Variants in PIP4K2A observed in about 807,000 individuals in gnomAD.
PIP4K2A encodes the protein phosphatidylinositol-5-phosphate 4-kinase type 2 alpha.
In PIP4K2A, 14 loss-of-function variants were observed where a neutral mutation model predicts 42.9. The observed-to-expected ratio is 0.33, with a 90% CI of 0.22 to 0.51. PIP4K2A has a LOEUF of 0.51. Among genes scored for constraint, PIP4K2A ranks in the 20% least tolerant of loss-of-function variants. PIP4K2A has a pLI of 0.97. For synonymous variants in PIP4K2A, 192 were observed against 192.2 expected (o/e 1.00, Z 0.01); for missense variants, 434 against 519.8 (o/e 0.83, Z 1.61).
At chr10:22,626,762 A>G (rs1048842539) in intron 1 of PIP4K2A, among the ~76,000 whole-genome samples, 2 of 152,228 alleles carry the variant, frequency 1.3e-5, no homozygotes, top group Admixed American at 6.5e-5. Flanking sequence ...TGAAAACAGG[A>G]TATTTTCATC....
At chr10:22,581,145 G>C (rs1006651343) in intron 4 of PIP4K2A, among the ~76,000 whole-genome samples, 2 of 7,898 alleles carry the variant, frequency 2.5e-4, no homozygotes, top group South Asian at 7.9e-3. Context: ...TCCTTGAGTA[G>C]GGCTTTTCTT....
intron 1 of PIP4K2A, among the ~76,000 whole-genome samples, chr10:22,685,909 T>C (rs1839755392): frequency 6.6e-6 from 1 of 152,206 alleles, no homozygotes; most frequent in Non-Finnish European, 1.5e-5. Context: ...ATTTTGTTGT[T>C]TGTAATTTAA....
chr10:22,668,348 T>C (rs1444472076), intron 1 of PIP4K2A, among the ~76,000 whole-genome samples: 1 of 152,156 alleles, frequency 6.6e-6, no homozygotes, highest in African/African-American at 2.4e-5. Context: ...TCACAGACTA[T>C]CACCAACTAA....
chr10:22,710,406 G>A (rs763747955), intron 1 of PIP4K2A, among the ~76,000 whole-genome samples: 3 of 152,262 alleles, frequency 2.0e-5, no homozygotes, highest in Non-Finnish European at 2.9e-5. Flanking sequence ...CCAAGGGACG[G>A]CCACAAATGA....
intron 1 of PIP4K2A, among the ~76,000 whole-genome samples, chr10:22,669,632 C>G (rs993029080): frequency 4.6e-5 from 7 of 152,250 alleles, no homozygotes; most frequent in African/African-American, 1.7e-4. Flanking sequence ...GGGTTTATTG[C>G]GGGCGTGCCC....
chr10:22,545,402 G>C (rs1402392674), intron 7 of PIP4K2A, among the ~76,000 whole-genome samples: 1 of 152,194 alleles, frequency 6.6e-6, no homozygotes, highest in Non-Finnish European at 1.5e-5. Flanking sequence ...GGGCAGAGAG[G>C]GAAGGGGACA....
At chr10:22,563,354 G>A (rs150237997) in intron 6 of PIP4K2A, among the ~76,000 whole-genome samples, 1 of 152,268 alleles carries the variant, frequency 6.6e-6, no homozygotes, top group Non-Finnish European at 1.5e-5. Context: ...TGCATTAAAC[G>A]TAAAAGTTTT....
At chr10:22,572,318 T>C (rs1324934325) in intron 5 of PIP4K2A, among the ~76,000 whole-genome samples, 3 of 152,154 alleles carry the variant, frequency 2.0e-5, no homozygotes, top group Non-Finnish European at 4.4e-5. Context: ...TAAAAATGTA[T>C]TTATAAAATT....
intron 3 of PIP4K2A, among the ~76,000 whole-genome samples, chr10:22,604,639 C>T (rs1197714681): frequency 1.3e-5 from 2 of 152,138 alleles, no homozygotes; most frequent in Non-Finnish European, 2.9e-5. Context: ...ATTCAAAAAG[C>T]AGCTCACATT....
chr10:22,650,957 C>T (rs1252092943), intron 1 of PIP4K2A, among the ~76,000 whole-genome samples: 19 of 152,144 alleles, frequency 1.2e-4, no homozygotes, highest in Admixed American at 1.2e-3. Context: ...CCTGGTTCAC[C>T]ACCGGACTTT....
chr10:22,629,707 T>C (rs1186962957), intron 1 of PIP4K2A, among the ~76,000 whole-genome samples: 2 of 152,200 alleles, frequency 1.3e-5, no homozygotes, highest in Non-Finnish European at 2.9e-5. Context: ...TCAGTTTCAC[T>C]AGTTTTCTCT....
At chr10:22,538,624 T>A (rs568304988) in intron 9 of PIP4K2A, among the ~76,000 whole-genome samples, 1 of 152,296 alleles carries the variant, frequency 6.6e-6, no homozygotes, top group African/African-American at 2.4e-5. Flanking sequence ...CAACCAGAGG[T>A]GAGCATCAGA....
At chr10:22,672,984 A>T (rs1839484870) in intron 1 of PIP4K2A, among the ~76,000 whole-genome samples, 2 of 152,136 alleles carry the variant, frequency 1.3e-5, no homozygotes, top group Non-Finnish European at 1.5e-5. Context: ...AGATCCAGTG[A>T]TCTCTCTCAT....
At chr10:22,557,281 A>G (rs1227396795) in intron 6 of PIP4K2A, among the ~76,000 whole-genome samples, 2 of 152,384 alleles carry the variant, frequency 1.3e-5, no homozygotes, top group East Asian at 1.9e-4. Flanking sequence ...AAGGAGATGC[A>G]GCACTGTTTG....
rs765653788 is a variant in PIP4K2A, at chr10:22,573,367, C to G, written c.583G>C (p.Val195Leu). The stretch of plus-strand genomic sequence containing the variant: ...CGGTGGCTGAATACATTTCTTGTAA[C>G]TATCACATATATTTCAACTCCATCA... The part of the protein sequence containing the change: ...NVDGVEIYVI[V>L]TRNVFSHRLS... Residue 195 changes from valine (V) to leucine (L), a missense_variant, in exon 5 of 10, where the codon GTT (valine) becomes CTT (leucine). Coordinates refer to ENST00000376573, the MANE Select transcript of PIP4K2A (RefSeq NM_005028.5). 6.2e-7 allele frequency: 1 copy of G among 1,613,430 alleles called. No individual in the cohort carries two copies.
chr10:22,681,266 A>T (rs150200854), intron 1 of PIP4K2A, among the ~76,000 whole-genome samples: 242 of 152,284 alleles, frequency 1.6e-3, no homozygotes, highest in African/African-American at 5.1e-3. Flanking sequence ...CCTGATGTCA[A>T]CCTGACTTCT....
rs200997893 is a variant in PIP4K2A, at chr10:22,609,713, T to C, written c.149A>G (p.Asn50Ser). 62 of 1,585,594 alleles carry C rather than the reference T, an allele frequency of 3.9e-5. No individual in the cohort carries two copies. Among genetic ancestry groups the C allele is most frequent in the East Asian group, 6.7e-5 (3 of 44,744 alleles). ...VLMWGVNHSI[N>S]ELSHVQIPVM... ...AGGGATTTGAACATGGCTCAGTTCA[T>C]TGATCTGGAAAAATATAAAATAAAT... The change falls in exon 2 of 10, where the codon AAT becomes AGT. Residue 50 changes from asparagine (N) to serine (S), a missense_variant. Asn to Ser is a conservative substitution (Grantham distance 46). Around this residue, in one of 2 missense-constraint regions of PIP4K2A, gnomAD observed 395 missense variants for 444.5 expected, o/e 0.89. Coordinates refer to ENST00000376573, the MANE Select transcript of PIP4K2A (RefSeq NM_005028.5).
chr10:22,549,784 T>C (rs985112473), intron 7 of PIP4K2A, among the ~76,000 whole-genome samples: 1 of 123,970 alleles, frequency 8.1e-6, no homozygotes, highest in African/African-American at 3.2e-5. Context: ...GAGCTTGCAG[T>C]GAGCCGAGAT....
At chr10:22,692,398 C>A (rs993875278) in intron 1 of PIP4K2A, among the ~76,000 whole-genome samples, 1 of 152,038 alleles carries the variant, frequency 6.6e-6, no homozygotes, top group Non-Finnish European at 1.5e-5. Flanking sequence ...TGGCCCAGTT[C>A]CTAACAGGCC....
Sources: allele counts gnomAD v4.1 joint callset (sites outside exome capture counted in the v4.1 genomes callset), GRCh38; gene constraint gnomAD v4.1.1; regional missense constraint gnomAD v4.1.1; transcripts MANE v1.5; gene names NCBI Gene and HGNC (gene_info 2026-07-23, HGNC 2026-07-21).